SPINT1: variants seen among roughly 807,000 people sequenced by gnomAD.
SPINT1 encodes the protein serine peptidase inhibitor, Kunitz type 1.
A neutral mutation model predicts 53.7 loss-of-function variants in SPINT1; 38 were observed. That is an observed-to-expected ratio of 0.71 (90% CI 0.55 to 0.93). SPINT1 has a LOEUF of 0.93. Among genes scored for constraint, SPINT1 ranks in the 40% least tolerant of loss-of-function variants. The probability of loss-of-function intolerance (pLI) is 0.00; values close to 1 mark genes in which losing one functional copy is unlikely to be tolerated. For synonymous variants in SPINT1, 283 were observed against 280.6 expected, an observed-to-expected ratio of 1.01 and a Z score of -0.08; for missense variants, 645 against 692.9, an observed-to-expected ratio of 0.93 and a Z score of 0.78.
At chr15:40,848,502 AC>A (rs1389426351) in intron 2 of SPINT1, among the ~76,000 whole-genome samples, 1 of 152,230 alleles carries the variant, frequency 6.6e-6, no homozygotes, top group African/African-American at 2.4e-5. Context: ...AGAATTGGAA[AC>A]AATCGCATTG....
intron 10 of SPINT1, 147 bp from the exon 11 acceptor site, chr15:40,856,623 G>C (rs1891650080): frequency 6.9e-7 from 1 of 1,452,678 alleles, no homozygotes; most frequent in African/African-American, 1.4e-5. Flanking sequence ...GAGCTGTTCA[G>C]CTGTTCATAT....
chr15:40,854,450 A>G lies in SPINT1; in HGVS notation c.994A>G (p.Ile332Val), dbSNP rs750282603. ...GTTCCGCTGCAGCAATGGCTGCTGCATCGACAGTTTCCTGGAGTGTGACGA... is the reference window on the plus strand; with the variant it reads ...GTTCCGCTGCAGCAATGGCTGCTGCGTCGACAGTTTCCTGGAGTGTGACGA... ...TQFRCSNGCC[I>V]DSFLECDDTP... The change falls in exon 7 of 11, where the codon ATC (isoleucine) becomes GTC (valine). Residue 332 changes from isoleucine (I) to valine (V), a missense_variant. By Grantham distance (29) the Ile-to-Val change is conservative. Coordinates refer to ENST00000562057, the MANE Select transcript of SPINT1 (RefSeq NM_003710.4). 13 of 1,613,470 alleles carry G rather than the reference A, an allele frequency of 8.1e-6. No homozygotes were observed. The highest frequency in any genetic ancestry group is 1.7e-5 in the Admixed American group (1 of 59,900).
intron 6 of SPINT1, 138 bp downstream of exon 6, chr15:40,854,224 C>T: frequency 1.5e-6 from 2 of 1,360,862 alleles, no homozygotes; most frequent in Non-Finnish European, 2.0e-6. Context: ...ACATCCCACC[C>T]CTTCCAGCCC....
At chr15:40,846,409 A>G (rs1566852646) in intron 2 of SPINT1, among the ~76,000 whole-genome samples, 1 of 152,120 alleles carries the variant, frequency 6.6e-6, no homozygotes, top group Non-Finnish European at 1.5e-5. Context: ...CATCACAACA[A>G]CTTCCAAAAA....
rs199960318 is a variant in SPINT1 at position 40,854,642 on chromosome 15, C to A, written c.1070C>A (p.Thr357Lys). The change falls in exon 8 of 11, where the codon ACG (threonine) becomes AAG (lysine). Residue 357 changes from threonine (T) to lysine (K), a missense_variant. Transcript: ENST00000562057. Reference protein sequence around the residue: ...ASDEAACEKYTSGFDELQRIH... With the variant: ...ASDEAACEKYKSGFDELQRIH... ...CTCTGACCTTTCCTCTCTGCAGACA[C>A]GAGTGGCTTTGACGAGCTCCAGCGC... 1.4e-5 allele frequency: 23 copies of A among 1,614,210 alleles called. No homozygotes were observed. The African/African-American group carries it at 2.9e-4, about 21-fold the overall frequency.
At position 40,858,021 on chromosome 15, in the gene SPINT1, A is replaced by T. The variant is rs1309925443; in HGVS notation, c.*1046A>T. 1.3e-5 allele frequency: 2 copies of T among 152,144 alleles called. No individual in the cohort carries two copies. Among genetic ancestry groups the T allele is most frequent in the African/African-American group, 2.4e-5 (1 of 41,416 alleles). 9.4% of individuals were successfully genotyped at this position (152,144 alleles called of 1,614,324 possible). A position where few individuals can be genotyped will look rare whatever the true frequency, so the allele number is the denominator to read the frequency against. Reference sequence around the variant, plus strand: ...GGCTCCTACCTCCATGTTAGGGCCCAGGTGACTAGCTGTCTCCCTCCCAAC... The same window carrying T: ...GGCTCCTACCTCCATGTTAGGGCCCTGGTGACTAGCTGTCTCCCTCCCAAC... On this transcript the variant is annotated 3_prime_UTR_variant, in exon 11 of 11. Coordinates refer to ENST00000562057, the MANE Select transcript of SPINT1 (RefSeq NM_003710.4).
intron 2 of SPINT1, among the ~76,000 whole-genome samples, chr15:40,852,586 T>C (rs1172650900): frequency 6.6e-6 from 1 of 151,866 alleles, no homozygotes; most frequent in Non-Finnish European, 1.5e-5. Context: ...GGTATTTCTA[T>C]TGTAGAAAAT....
rs1316471315 is a variant in SPINT1 at position 40,855,879 on chromosome 15, C to T, written c.1118-13C>T. ...ATGGACTCGCTCACCATAGCCTACC[C>T]CATACCCCCCAGGGCACTGCGTGGA... On this transcript the variant is annotated splice_polypyrimidine_tract_variant and intron_variant, in intron 8 of 10. Coordinates refer to ENST00000562057, the MANE Select transcript of SPINT1 (RefSeq NM_003710.4). 5 of 1,608,384 alleles carry T rather than the reference C, an allele frequency of 3.1e-6. No homozygotes were observed. Among genetic ancestry groups the T allele is most frequent in the Non-Finnish European group, 3.4e-6 (4 of 1,175,772 alleles).
intron 2 of SPINT1, among the ~76,000 whole-genome samples, chr15:40,851,917 A>G (rs550670846): frequency 6.6e-6 from 1 of 152,340 alleles, no homozygotes; most frequent in Non-Finnish European, 1.5e-5. Context: ...GCTACTCGGG[A>G]GGCTGAGGCA....
rs1566859094 is a variant in SPINT1, at chr15:40,857,088, C to T, written c.*113C>T. 3 of 1,366,888 alleles carry T rather than the reference C, an allele frequency of 2.2e-6. No homozygotes were observed. Among genetic ancestry groups the T allele is most frequent in the Non-Finnish European group, 3.0e-6 (3 of 1,007,188 alleles). 84.7% of individuals were successfully genotyped at this position (1,366,888 alleles called of 1,614,324 possible). On this transcript the variant is annotated 3_prime_UTR_variant, in exon 11 of 11. Transcript: ENST00000562057. Reference sequence around the variant, plus strand: ...TTGCCTGTTTCCCAGGCCCACTGTGCCTCAGAGACCAGGGCTCCAGCCCCT... The same window carrying T: ...TTGCCTGTTTCCCAGGCCCACTGTGTCTCAGAGACCAGGGCTCCAGCCCCT...
rs781620292 is a variant in SPINT1, at chr15:40,844,668, G to A, written c.114G>A (p.Pro38=). The change falls in exon 2 of 11, where the codon CCG becomes CCA. Residue 38 remains proline (P), a synonymous_variant. Transcript: ENST00000562057. The surrounding 1 kb of genome is among the most constrained non-coding windows in gnomAD (Gnocchi z 5.8). ...TCCAGGGCACCCAGGCCGGGCCACC[G>A]CCCGCGCCCCCTGGGCTGCCCGCGG... ...LGLQGTQAGP[P]PAPPGLPAGA... 6.2e-7 allele frequency: 1 copy of A among 1,604,986 alleles called. No individual in the cohort carries two copies. The highest frequency in any genetic ancestry group is 8.5e-7 in the Non-Finnish European group (1 of 1,176,070).
At chr15:40,848,592 T>C (rs1288441782) in intron 2 of SPINT1, among the ~76,000 whole-genome samples, 2 of 152,234 alleles carry the variant, frequency 1.3e-5, no homozygotes, top group Non-Finnish European at 2.9e-5. Context: ...CATGGTTTAG[T>C]TCTTAGGAGA....
intron 10 of SPINT1, 141 bp from the exon 11 acceptor site, chr15:40,856,629 C>T: frequency 6.8e-7 from 1 of 1,471,486 alleles, no homozygotes. Flanking sequence ...TTCAGCTGTT[C>T]ATATGTGGGA....
Position 40,844,063 on chromosome 15 carries a change from C to G in SPINT1, c.-189C>G, listed in dbSNP as rs1262676088. 1.1e-4 allele frequency: 45 copies of G among 428,376 alleles called. No individual in the cohort carries two copies. Among genetic ancestry groups the G allele is most frequent in the Non-Finnish European group, 2.1e-4 (45 of 215,804 alleles). The allele number at this position is 428,376 out of a possible 1,614,324, so 26.5% of individuals were successfully genotyped here. A position where few individuals can be genotyped will look rare whatever the true frequency, so the allele number is the denominator to read the frequency against. ...GCGCTGACTCAGTTTCACCAGAAACCAGGGGGAGAAGGCGGCCGAGCCCCA... is the reference window on the plus strand; with the variant it reads ...GCGCTGACTCAGTTTCACCAGAAACGAGGGGGAGAAGGCGGCCGAGCCCCA... On this transcript the variant is annotated 5_prime_UTR_variant, in exon 1 of 11. Transcript: ENST00000562057. The surrounding 1 kb of genome is among the most constrained non-coding windows in gnomAD (Gnocchi z 5.8).
In SPINT1 at chr15:40,844,790, C is replaced by T. The variant is rs1891233046; in HGVS notation, c.236C>T (p.Pro79Leu). 1.2e-6 allele frequency: 2 copies of T among 1,613,048 alleles called. No homozygotes were observed. The highest frequency in any genetic ancestry group is 1.1e-5 in the South Asian group (1 of 91,004). ...AACGGAGCTACCTTCCTGGAGTCCCCCACCGTGCGCCGGGGCTGGGACTGC... is the reference window on the plus strand; with the variant it reads ...AACGGAGCTACCTTCCTGGAGTCCCTCACCGTGCGCCGGGGCTGGGACTGC... Reference protein sequence around the residue: ...VSNGATFLESPTVRRGWDCVR... With the variant: ...VSNGATFLESLTVRRGWDCVR... Residue 79 changes from proline (P) to leucine (L), a missense_variant, in exon 2 of 11, where the codon CCC (proline) becomes CTC (leucine). Pro to Leu is a moderately conservative substitution (Grantham distance 98). Transcript: ENST00000562057. The surrounding 1 kb of genome is among the most constrained non-coding windows in gnomAD (Gnocchi z 5.8).
chr15:40,848,022 G>C (rs568370909), intron 2 of SPINT1, among the ~76,000 whole-genome samples: 7 of 152,106 alleles, frequency 4.6e-5, no homozygotes, highest in Non-Finnish European at 1.0e-4. Context: ...GCCACTTTTC[G>C]TTCCTGCTCA....
chr15:40,847,632 G>T (rs1291790765), intron 2 of SPINT1, among the ~76,000 whole-genome samples: 1 of 152,158 alleles, frequency 6.6e-6, no homozygotes, highest in Non-Finnish European at 1.5e-5. Flanking sequence ...GTAACTAACT[G>T]GGGGAGGGGC....
Position 40,857,089 on chromosome 15 carries a change from C to A in SPINT1, c.*114C>A. On this transcript the variant is annotated 3_prime_UTR_variant, in exon 11 of 11. Coordinates refer to ENST00000562057, the MANE Select transcript of SPINT1 (RefSeq NM_003710.4). Reference sequence around the variant, plus strand: ...TGCCTGTTTCCCAGGCCCACTGTGCCTCAGAGACCAGGGCTCCAGCCCCTC... The same window carrying A: ...TGCCTGTTTCCCAGGCCCACTGTGCATCAGAGACCAGGGCTCCAGCCCCTC... The A allele has an allele frequency of 7.3e-7, 1 of 1,370,762 alleles. No individual in the cohort carries two copies. Among genetic ancestry groups the A allele is most frequent in the Non-Finnish European group, 9.9e-7 (1 of 1,010,494 alleles). The allele number at this position is 1,370,762 out of a possible 1,614,324, so 84.9% of individuals were successfully genotyped here. A position where few individuals can be genotyped will look rare whatever the true frequency, so the allele number is the denominator to read the frequency against.
rs1212408405 is a variant in SPINT1 at position 40,856,021 on chromosome 15, A to C, written c.1247A>C (p.Glu416Ala). 1 of 1,614,192 alleles carries C rather than the reference A, an allele frequency of 6.2e-7. No individual in the cohort carries two copies. Among genetic ancestry groups the C allele is most frequent in the East Asian group, 2.2e-5 (1 of 44,880 alleles). ...TGTTACGGCAACAAGAACAACTTTG[A>C]GGAAGAGCAGCAGTGCCTCGAGTCT... ...GGCYGNKNNF[E>A]EEQQCLESCR... Residue 416 changes from glutamate to alanine, a missense_variant, in exon 9 of 11, where the codon GAG becomes GCG. Coordinates refer to ENST00000562057, the MANE Select transcript of SPINT1 (RefSeq NM_003710.4).
Sources: gnomAD v4.1 joint callset for allele counts (sites outside exome capture counted in the v4.1 genomes callset) on GRCh38, gnomAD v4.1.1 for gene constraint, Gnocchi (gnomAD v3.1) non-coding constraint, MANE v1.5 for transcripts, NCBI Gene and HGNC (gene_info 2026-07-23, HGNC 2026-07-21) for gene names.